The following ABCA13 variants were observed in gnomAD, a reference collection of about 807,000 sequenced individuals.
ABCA13 encodes ATP-binding cassette sub-family A member 13.
A neutral mutation model predicts 478.7 loss-of-function variants in ABCA13; 476 were observed. That is an observed-to-expected ratio of 0.99 (90% CI 0.92 to 1.07). ABCA13 has a LOEUF of 1.07. Ranked by LOEUF, ABCA13 falls within the 50% of genes least tolerant of loss-of-function variation. The probability of loss-of-function intolerance (pLI) is 0.00; values close to 1 mark genes in which losing one functional copy is unlikely to be tolerated. For synonymous variants in ABCA13, 2,252 were observed against 2,158.9 expected, an observed-to-expected ratio of 1.04 and a Z score of -1.20; for missense variants, 6,060 against 5,910.6, an observed-to-expected ratio of 1.03 and a Z score of -0.83.
At chr7:48,225,715 A>G (rs1177989704) in intron 5 of ABCA13, among the ~76,000 whole-genome samples, 1 of 152,058 alleles carries the variant, frequency 6.6e-6, no homozygotes, top group Non-Finnish European at 1.5e-5. Flanking sequence ...GGGGTTTTGT[A>G]CTTATGGCAG....
intron 49 of ABCA13, among the ~76,000 whole-genome samples, chr7:48,507,357 C>T (rs1307526467): frequency 2.0e-5 from 3 of 152,172 alleles, no homozygotes; most frequent in Non-Finnish European, 4.4e-5. Context: ...CCAGGTAAAA[C>T]AATTACTAAG....
chr7:48,591,637 A>G (rs752382631), intron 57 of ABCA13, among the ~76,000 whole-genome samples: 1 of 151,860 alleles, frequency 6.6e-6, no homozygotes, highest in Non-Finnish European at 1.5e-5. Flanking sequence ...TTTGTCTTCA[A>G]TTTCTTTAAT....
At chr7:48,282,866 T>C (rs1171269327) in intron 19 of ABCA13, among the ~76,000 whole-genome samples, 1 of 152,186 alleles carries the variant, frequency 6.6e-6, no homozygotes, top group Admixed American at 6.5e-5. Context: ...AGACTGTGCC[T>C]GTCTATTGAT....
chr7:48,598,735 G>T (rs1257731489), intron 58 of ABCA13, among the ~76,000 whole-genome samples: 1 of 151,696 alleles, frequency 6.6e-6, no homozygotes, highest in Non-Finnish European at 1.5e-5. Flanking sequence ...TGTGCTTTTG[G>T]TGTCTCATCT....
At chr7:48,336,467 G>A (rs1806278477) in intron 28 of ABCA13, among the ~76,000 whole-genome samples, 1 of 152,220 alleles carries the variant, frequency 6.6e-6, no homozygotes, top group Non-Finnish European at 1.5e-5. Flanking sequence ...GGAAAGGAGA[G>A]AGGGAGAGGG....
At chr7:48,296,972 A>G (rs1799465756) in intron 21 of ABCA13, among the ~76,000 whole-genome samples, 1 of 152,118 alleles carries the variant, frequency 6.6e-6, no homozygotes, top group Non-Finnish European at 1.5e-5. Context: ...AAAGCCATTT[A>G]TTATGCATCC....
At chr7:48,214,992 A>G (rs1786228651) in intron 3 of ABCA13, among the ~76,000 whole-genome samples, 1 of 152,170 alleles carries the variant, frequency 6.6e-6, no homozygotes, top group African/African-American at 2.4e-5. Context: ...TCAGCTTTTA[A>G]CATGCTTTCC....
chr7:48,491,770 C>T (rs963730677), intron 48 of ABCA13, among the ~76,000 whole-genome samples: 2 of 152,150 alleles, frequency 1.3e-5, no homozygotes, highest in African/African-American at 4.8e-5. Flanking sequence ...AATATTTCAT[C>T]ACATCCCTTG....
At chr7:48,359,374 C>T (rs1202499424) in intron 31 of ABCA13, among the ~76,000 whole-genome samples, 1 of 151,978 alleles carries the variant, frequency 6.6e-6, no homozygotes, top group Non-Finnish European at 1.5e-5. Context: ...CTCCACTCAC[C>T]TCCAATTCAC....
At chr7:48,253,396 A>T (rs560980866) in intron 15 of ABCA13, among the ~76,000 whole-genome samples, 1 of 152,210 alleles carries the variant, frequency 6.6e-6, no homozygotes, top group African/African-American at 2.4e-5. Flanking sequence ...ATTGATACAC[A>T]TCTTCCTGAC....
At chr7:48,635,241 T>TG (rs1365153845) in intron 59 of ABCA13, among the ~76,000 whole-genome samples, 1 of 145,084 alleles carries the variant, frequency 6.9e-6, no homozygotes, top group African/African-American at 2.5e-5. Context: ...AAAAAAAACC[T>TG]AAAAACTAAA....
chr7:48,292,048 C>A (rs1798613307), intron 20 of ABCA13, among the ~76,000 whole-genome samples: 1 of 152,164 alleles, frequency 6.6e-6, no homozygotes, highest in Non-Finnish European at 1.5e-5. Flanking sequence ...TATGCAGATT[C>A]ATTTGCAACC....
At chr7:48,236,990 C>T (rs1380163773) in intron 8 of ABCA13, among the ~76,000 whole-genome samples, 6 of 150,252 alleles carry the variant, frequency 4.0e-5, no homozygotes, top group Non-Finnish European at 8.8e-5. Context: ...AAATCAGCCT[C>T]CTTGAGAACT....
intron 42 of ABCA13, among the ~76,000 whole-genome samples, chr7:48,447,233 C>T (rs1824418521): frequency 6.6e-6 from 1 of 152,142 alleles, no homozygotes; most frequent in South Asian, 2.1e-4. Context: ...ATATCTACCT[C>T]CAGGAAGCTA....
At chr7:48,317,076 C>T (rs1347108329) in intron 26 of ABCA13, 81 bp from the exon 27 acceptor site, 2 of 1,489,920 alleles carry the variant, frequency 1.3e-6, no homozygotes, top group Middle Eastern at 1.9e-4. Flanking sequence ...ATGAGGCATC[C>T]TGGATATGTG....
intron 55 of ABCA13, among the ~76,000 whole-genome samples, chr7:48,532,000 T>C (rs1207336305): frequency 6.6e-6 from 1 of 152,096 alleles, no homozygotes; most frequent in Non-Finnish European, 1.5e-5. Context: ...TTTTTTCTCC[T>C]GTGTGATTGC....
intron 31 of ABCA13, among the ~76,000 whole-genome samples, chr7:48,364,766 T>A (rs999425767): frequency 1.3e-5 from 2 of 152,224 alleles, no homozygotes; most frequent in African/African-American, 4.8e-5. Flanking sequence ...CTAAATAATA[T>A]TCCATTTTGT....
intron 19 of ABCA13, 62 bp downstream of exon 19, chr7:48,281,514 G>A: frequency 2.1e-6 from 3 of 1,400,074 alleles, no homozygotes; most frequent in Non-Finnish European, 2.0e-6. Flanking sequence ...GAACTCAGGT[G>A]TCAGAGAGAT....
intron 39 of ABCA13, among the ~76,000 whole-genome samples, chr7:48,408,767 T>A (rs577121609): frequency 6.6e-6 from 1 of 152,296 alleles, no homozygotes; most frequent in Admixed American, 6.5e-5. Flanking sequence ...CTTAGGGGTT[T>A]GTTGTACAGA....
Sources: allele counts gnomAD v4.1 joint callset (sites outside exome capture counted in the v4.1 genomes callset), GRCh38; gene constraint gnomAD v4.1.1; transcripts MANE v1.5; gene names NCBI Gene and HGNC (gene_info 2026-07-23, HGNC 2026-07-21).